Variants in CDH11 observed in about 807,000 individuals in gnomAD.
CDH11 encodes the protein cadherin 11.
In CDH11, 11 loss-of-function variants were observed where a neutral mutation model predicts 67.8. The ratio of observed to expected loss-of-function variants is 0.16; its 90% CI spans 0.10 to 0.27. The LOEUF is 0.27. Among genes scored for constraint, CDH11 ranks in the 10% least tolerant of loss-of-function variants. The probability of loss-of-function intolerance (pLI) is 1.00; values close to 1 mark genes in which losing one functional copy is unlikely to be tolerated. For synonymous variants in CDH11, 419 were observed against 400.0 expected, an observed-to-expected ratio of 1.05 and a Z score of -0.57; for missense variants, 847 against 1,031.2, an observed-to-expected ratio of 0.82 and a Z score of 2.45.
intron 1 of CDH11, among the ~76,000 whole-genome samples, chr16:65,079,496 T>C (rs540398895): frequency 6.7e-6 from 1 of 149,644 alleles, no homozygotes; most frequent in Non-Finnish European, 1.5e-5. Flanking sequence ...TGCGTGTGTA[T>C]GTGTGTGTGT....
intron 1 of CDH11, among the ~76,000 whole-genome samples, chr16:65,102,416 C>T (rs2075006093): frequency 6.6e-6 from 1 of 152,198 alleles, no homozygotes; most frequent in African/African-American, 2.4e-5. Context: ...AGTCACTTAC[C>T]TCCCTCTTGG....
At chr16:65,101,943 T>C (rs2074998902) in intron 1 of CDH11, among the ~76,000 whole-genome samples, 1 of 152,230 alleles carries the variant, frequency 6.6e-6, no homozygotes, top group South Asian at 2.1e-4. Flanking sequence ...GACATATCCT[T>C]AGTCTGATGG....
chr16:65,030,931 C>T (rs974523596), intron 2 of CDH11, among the ~76,000 whole-genome samples: 12 of 152,092 alleles, frequency 7.9e-5, no homozygotes. Flanking sequence ...TTCATTCCCC[C>T]AGGAGAAGGT....
At chr16:64,965,771 AACACACACACACACACACACACACACAC>A (rs55992835) in intron 11 of CDH11, among the ~76,000 whole-genome samples, 1 of 145,992 alleles carries the variant, frequency 6.8e-6, no homozygotes, top group Non-Finnish European at 1.5e-5. Context: ...CGGTGCATGA[AACACACACACACACACACACACACACAC>A]ACACACACAC....
intron 1 of CDH11, among the ~76,000 whole-genome samples, chr16:65,076,679 G>GC (rs1401602095): frequency 4.1e-5 from 2 of 48,428 alleles, no homozygotes; most frequent in Admixed American, 2.6e-4. Flanking sequence ...CCCTCCCCTA[G>GC]CCCCCCACCC....
At chr16:64,997,951 T>C (rs1413801646) in intron 4 of CDH11, among the ~76,000 whole-genome samples, 2 of 152,224 alleles carry the variant, frequency 1.3e-5, no homozygotes, top group African/African-American at 2.4e-5. Context: ...AGAAACATTA[T>C]GCAAATGTTT....
Position 65,004,971 on chromosome 16 carries a change from C to G in CDH11, c.-102G>C. On this transcript the variant is annotated 5_prime_UTR_variant, in exon 3 of 13. Transcript: ENST00000268603. ...GGCCTCCCGGACGCGTCACGCAGAC[C>G]TCTCTTGGGATGGAATGTCTCTGCT... The G allele has an allele frequency of 7.0e-7, 1 of 1,433,674 alleles. No homozygotes were observed. The highest frequency in any genetic ancestry group is 9.2e-7 in the Non-Finnish European group (1 of 1,089,900). 88.8% of individuals were successfully genotyped at this position (1,433,674 alleles called of 1,614,324 possible).
Position 65,121,437 on chromosome 16 carries a change from A to C in CDH11, c.-298+443T>G, listed in dbSNP as rs1011818162. 4.6e-5 allele frequency among the ~76,000 whole-genome samples: 7 copies of C among 152,098 alleles called. No individual in the cohort carries two copies. The highest frequency in any genetic ancestry group is 1.7e-4 in the African/African-American group (7 of 41,432). ...AGTAAGAACCCCGCAGAGCGCGGTCATGTCGCCGCTTTGGGGAAGCGGCGC... is the reference window on the plus strand; with the variant it reads ...AGTAAGAACCCCGCAGAGCGCGGTCCTGTCGCCGCTTTGGGGAAGCGGCGC... On this transcript the variant is annotated intron_variant, in intron 1 of 12. Coordinates refer to ENST00000268603, the MANE Select transcript of CDH11 (RefSeq NM_001797.4). This position sits in a 1 kb window ranked among gnomAD's most constrained non-coding sequence, Gnocchi z 4.1.
At chr16:65,119,969 A>G (rs1238256336) in intron 1 of CDH11, among the ~76,000 whole-genome samples, 5 of 152,152 alleles carry the variant, frequency 3.3e-5, no homozygotes, top group African/African-American at 1.2e-4. Flanking sequence ...GGCCAACTCT[A>G]AAACTTGGAA....
chr16:65,095,503 G>C (rs563547008), intron 1 of CDH11, among the ~76,000 whole-genome samples: 43 of 152,258 alleles, frequency 2.8e-4, no homozygotes, highest in Non-Finnish European at 5.3e-4. Flanking sequence ...AGCAATCTAG[G>C]TGTTATTGTG....
At chr16:65,061,080 A>G (rs1185365661) in intron 1 of CDH11, among the ~76,000 whole-genome samples, 1 of 152,238 alleles carries the variant, frequency 6.6e-6, no homozygotes. Flanking sequence ...AGAGGGCCTC[A>G]GGATTCCCTT....
rs547626867 is a variant in CDH11 at position 65,021,964 on chromosome 16, C to A, written c.-172-16923G>T. On this transcript the variant is annotated intron_variant, in intron 2 of 12. Transcript: ENST00000268603. ...TAAAGTTTAAGTAAATGGCAAAAGT[C>A]CCATAAGAGTCAAACAGGAAAAAAC... 5.3e-4 allele frequency among the ~76,000 whole-genome samples: 80 copies of A among 150,782 alleles called. 1 individual carries two copies. The highest frequency in any genetic ancestry group is 1.6e-3 in the African/African-American group (67 of 41,180).
chr16:65,016,782 C>G (rs1414438487), intron 2 of CDH11, among the ~76,000 whole-genome samples: 1 of 152,142 alleles, frequency 6.6e-6, no homozygotes, highest in East Asian at 1.9e-4. Context: ...AGTGGCTACT[C>G]CATAGACAGA....
intron 4 of CDH11, among the ~76,000 whole-genome samples, chr16:64,996,508 G>T (rs919940040): frequency 8.6e-6 from 1 of 116,388 alleles, no homozygotes; most frequent in Non-Finnish European, 2.0e-5. Flanking sequence ...AAAAAAAAAA[G>T]TATTACAATT....
intron 2 of CDH11, among the ~76,000 whole-genome samples, chr16:65,016,387 T>A (rs2073309545): frequency 6.6e-6 from 1 of 152,190 alleles, no homozygotes; most frequent in Admixed American, 6.5e-5. Flanking sequence ...AAGTGCTTAG[T>A]ACAAACGCAG....
chr16:65,113,384 C>T (rs755664455), intron 1 of CDH11, among the ~76,000 whole-genome samples: 2 of 152,018 alleles, frequency 1.3e-5, no homozygotes, highest in Non-Finnish European at 2.9e-5. Context: ...CCTAAATTAC[C>T]GTGGGATCTT....
chr16:65,099,390 A>T (rs2074952685), intron 1 of CDH11, among the ~76,000 whole-genome samples: 1 of 152,330 alleles, frequency 6.6e-6, no homozygotes, highest in Non-Finnish European at 1.5e-5. Flanking sequence ...AATCACAAGG[A>T]TAAACACAGG....
In CDH11 at chr16:65,121,190, C is replaced by A. The variant is rs551194346; in HGVS notation, c.-298+690G>T. Among the ~76,000 whole-genome samples, 6 of 152,328 alleles carry A rather than the reference C, an allele frequency of 3.9e-5. No homozygotes were observed. The highest frequency in any genetic ancestry group is 1.3e-4 in the Admixed American group (2 of 15,306). On this transcript the variant is annotated intron_variant, in intron 1 of 12. Transcript: ENST00000268603. The surrounding 1 kb of genome is among the most constrained non-coding windows in gnomAD (Gnocchi z 4.1). ...CTACTCCTGCGCTGGTGGGAGCTTACAAACGGGCGCCAGAGCTCCCGCAGA... is the reference window on the plus strand; with the variant it reads ...CTACTCCTGCGCTGGTGGGAGCTTAAAAACGGGCGCCAGAGCTCCCGCAGA...
intron 1 of CDH11, among the ~76,000 whole-genome samples, chr16:65,064,637 T>A (rs1243965158): frequency 6.6e-6 from 1 of 152,222 alleles, no homozygotes; most frequent in Non-Finnish European, 1.5e-5. Context: ...AACCTTTTTT[T>A]AACAAAGACA....
Sources: allele counts gnomAD v4.1 joint callset (sites outside exome capture counted in the v4.1 genomes callset), GRCh38; gene constraint gnomAD v4.1.1; non-coding constraint Gnocchi (gnomAD v3.1); transcripts MANE v1.5; gene names NCBI Gene and HGNC (gene_info 2026-07-23, HGNC 2026-07-21).